The following NXPH1 variants were observed in gnomAD, a reference collection of about 807,000 sequenced individuals.
The protein encoded by NXPH1 is neurexophilin 1.
In NXPH1, 5 loss-of-function variants were observed where a neutral mutation model predicts 23.7. The ratio of observed to expected loss-of-function variants is 0.21; its 90% CI spans 0.11 to 0.44. The LOEUF is 0.44. Among genes scored for constraint, NXPH1 ranks in the 20% least tolerant of loss-of-function variants. NXPH1 has a pLI of 0.99. For synonymous variants in NXPH1, 144 were observed against 122.2 expected, an observed-to-expected ratio of 1.18 and a Z score of -1.18; for missense variants, 324 against 321.6, an observed-to-expected ratio of 1.01 and a Z score of -0.06.
intron 2 of NXPH1, among the ~76,000 whole-genome samples, chr7:8,655,923 G>T (rs910802177): frequency 3.3e-5 from 5 of 152,114 alleles, no homozygotes; most frequent in Admixed American, 1.3e-4. Context: ...TGGCACAACC[G>T]TAAGCACAGT....
chr7:8,492,564 CATG>C (rs200577624), intron 2 of NXPH1, among the ~76,000 whole-genome samples: 1,680 of 152,064 alleles, frequency 0.011, 17 homozygotes, highest in Non-Finnish European at 0.018. Flanking sequence ...ATAAAACACA[CATG>C]ATTGCTGACT....
intron 2 of NXPH1, among the ~76,000 whole-genome samples, chr7:8,670,522 T>C (rs755717640): frequency 2.6e-5 from 4 of 152,186 alleles, no homozygotes; most frequent in Non-Finnish European, 5.9e-5. Flanking sequence ...AACTCGTGCA[T>C]CTTTTCTGCC....
At chr7:8,469,321 A>G (rs909493392) in intron 2 of NXPH1, among the ~76,000 whole-genome samples, 5 of 152,070 alleles carry the variant, frequency 3.3e-5, no homozygotes, top group Admixed American at 6.6e-5. Flanking sequence ...CTGTGATAAT[A>G]GTCACATGAA....
rs116639838 is a variant in NXPH1, at chr7:8,742,653, C to G, written c.55-8355C>G. 3.8e-3 allele frequency among the ~76,000 whole-genome samples: 550 copies of G among 145,712 alleles called. 2 individuals are homozygous for G. The highest frequency in any genetic ancestry group is 0.013 in the African/African-American group (519 of 40,782). The stretch of plus-strand genomic sequence containing the variant: ...ATATGAAAAAGAAAATACTTAGGAA[C>G]AATATATACCAAAATTTGAACAGGT... On this transcript the variant is annotated intron_variant, in intron 2 of 2. Transcript: ENST00000405863.
At chr7:8,598,915 T>A (rs775568913) in intron 2 of NXPH1, among the ~76,000 whole-genome samples, 15 of 152,180 alleles carry the variant, frequency 9.9e-5, no homozygotes, top group Admixed American at 2.6e-4. Flanking sequence ...TCTGTAGCAA[T>A]GCAAAATCAG....
At chr7:8,468,439 A>G (rs1344924857) in intron 2 of NXPH1, among the ~76,000 whole-genome samples, 1 of 152,164 alleles carries the variant, frequency 6.6e-6, no homozygotes, top group Non-Finnish European at 1.5e-5. Flanking sequence ...AACAATCTGC[A>G]TCTGTTTTAC....
chr7:8,496,455 T>C, intron 2 of NXPH1, among the ~76,000 whole-genome samples: 1 of 152,074 alleles, frequency 6.6e-6, no homozygotes, highest in East Asian at 1.9e-4. Flanking sequence ...GTTCATAATT[T>C]ACAGCAATAG....
chr7:8,648,873 T>C (rs1244333200), intron 2 of NXPH1, among the ~76,000 whole-genome samples: 1 of 152,120 alleles, frequency 6.6e-6, no homozygotes, highest in Non-Finnish European at 1.5e-5. Context: ...TTAAAAATTT[T>C]TGTTTTATAT....
At chr7:8,655,500 ACG>A (rs1313002188) in intron 2 of NXPH1, among the ~76,000 whole-genome samples, 484 of 16,220 alleles carry the variant, frequency 0.03, 4 homozygotes, top group East Asian at 0.043. Flanking sequence ...TGTCCATCAC[ACG>A]CACACACACA....
chr7:8,542,885 T>C (rs1263780113), intron 2 of NXPH1, among the ~76,000 whole-genome samples: 1 of 151,572 alleles, frequency 6.6e-6, no homozygotes, highest in Non-Finnish European at 1.5e-5. Context: ...CAAATATACA[T>C]GTACTTTGGA....
chr7:8,511,029 G>C (rs1158998960), intron 2 of NXPH1, among the ~76,000 whole-genome samples: 1 of 152,092 alleles, frequency 6.6e-6, no homozygotes, highest in Non-Finnish European at 1.5e-5. Context: ...GGTCAAAGTA[G>C]ATGTTCTCCA....
At chr7:8,692,272 C>G (rs1053139570) in intron 2 of NXPH1, among the ~76,000 whole-genome samples, 1 of 152,114 alleles carries the variant, frequency 6.6e-6, no homozygotes, top group African/African-American at 2.4e-5. Flanking sequence ...ACTCGGACAG[C>G]TGAGTGAAGA....
rs932587215 is a variant in NXPH1 at position 8,657,563 on chromosome 7, T to C, written c.55-93445T>C. The stretch of plus-strand genomic sequence containing the variant: ...AAAGCAACCAGCATCAAATCAGAGA[T>C]GAGGGCTCATGGCAGCTGAAAGGGA... On this transcript the variant is annotated intron_variant, in intron 2 of 2. Coordinates refer to ENST00000405863, the MANE Select transcript of NXPH1 (RefSeq NM_152745.3). Among the ~76,000 whole-genome samples, 4 of 152,080 alleles carry C rather than the reference T, an allele frequency of 2.6e-5. No individual in the cohort carries two copies. In the South Asian group the frequency reaches 6.2e-4, roughly 24 times the overall value.
At chr7:8,647,384 A>G (rs1003526150) in intron 2 of NXPH1, among the ~76,000 whole-genome samples, 2 of 152,200 alleles carry the variant, frequency 1.3e-5, no homozygotes, top group African/African-American at 4.8e-5. Context: ...TGGGAGGCAG[A>G]GAGGCAGGCA....
At chr7:8,477,353 G>T (rs576070638) in intron 2 of NXPH1, among the ~76,000 whole-genome samples, 1 of 151,964 alleles carries the variant, frequency 6.6e-6, no homozygotes, top group Admixed American at 6.6e-5. Flanking sequence ...TTAAATAATT[G>T]TGTTGCTAGA....
chr7:8,677,426 C>T (rs373089245), intron 2 of NXPH1, among the ~76,000 whole-genome samples: 7 of 152,044 alleles, frequency 4.6e-5, no homozygotes, highest in South Asian at 2.1e-4. Flanking sequence ...AGAGAAAATG[C>T]TAGTTTGTTA....
rs1048803266 is a variant in NXPH1 at position 8,434,400 on chromosome 7, C to G, written c.-466C>G. On this transcript the variant is annotated 5_prime_UTR_variant, in exon 1 of 3. Transcript: ENST00000405863. The surrounding 1 kb of genome is among the most constrained non-coding windows in gnomAD (Gnocchi z 7.6). The stretch of plus-strand genomic sequence containing the variant: ...GCTGGCAGTCCCAGTCCGTCCGGTG[C>G]AGCAGCCCGGCGCATTCCCCTCTCT... 6.5e-6 allele frequency: 1 copy of G among 153,716 alleles called. No individual in the cohort carries two copies. The highest frequency in any genetic ancestry group is 3.1e-3 in the Middle Eastern group (1 of 326). The allele number at this position is 153,716 out of a possible 1,614,324, so 9.5% of individuals were successfully genotyped here. A position where few individuals can be genotyped will look rare whatever the true frequency, so the allele number is the denominator to read the frequency against.
intron 2 of NXPH1, among the ~76,000 whole-genome samples, chr7:8,573,047 T>A (rs1818680308): frequency 6.6e-6 from 1 of 151,946 alleles, no homozygotes; most frequent in East Asian, 1.9e-4. Flanking sequence ...CTAGAAATAC[T>A]GATATTGTTT....
intron 2 of NXPH1, among the ~76,000 whole-genome samples, chr7:8,526,886 C>A (rs146546579): frequency 2.1e-3 from 323 of 152,248 alleles, no homozygotes; most frequent in African/African-American, 7.4e-3. Context: ...AGAAGTAAGG[C>A]ACAGGTAAAT....
Sources: gnomAD v4.1 joint callset for allele counts (sites outside exome capture counted in the v4.1 genomes callset) on GRCh38, gnomAD v4.1.1 for gene constraint, Gnocchi (gnomAD v3.1) non-coding constraint, MANE v1.5 for transcripts, NCBI Gene and HGNC (gene_info 2026-07-23, HGNC 2026-07-21) for gene names.